PCDH9: variants seen among roughly 807,000 people sequenced by gnomAD.
PCDH9 encodes the protein protocadherin-9.
Under a neutral mutation model 70.6 loss-of-function variants are expected in PCDH9, and 24 were observed. That is an observed-to-expected ratio of 0.34 (90% CI 0.25 to 0.48). PCDH9 has a LOEUF of 0.48. Ranked by LOEUF, PCDH9 falls within the 20% of genes least tolerant of loss-of-function variation. PCDH9 has a pLI of 0.99. For synonymous variants in PCDH9, 562 were observed against 558.5 expected, an observed-to-expected ratio of 1.01 and a Z score of -0.09; for missense variants, 1,281 against 1,503.6, an observed-to-expected ratio of 0.85 and a Z score of 2.45.
At chr13:67,111,534 C>T (rs747919941) in intron 2 of PCDH9, among the ~76,000 whole-genome samples, 19 of 152,128 alleles carry the variant, frequency 1.2e-4, no homozygotes, top group Non-Finnish European at 2.6e-4. Context: ...AAGTTCCTAA[C>T]GCTACTACCA....
chr13:67,074,917 A>G lies in PCDH9; in HGVS notation c.3036+150488T>C, dbSNP rs116334387. Among the ~76,000 whole-genome samples, 1,147 of 152,180 alleles carry G rather than the reference A, an allele frequency of 7.5e-3. 17 individuals carry two copies. The highest frequency in any genetic ancestry group is 0.026 in the African/African-American group (1,066 of 41,534). On this transcript the variant is annotated intron_variant, in intron 2 of 4. Coordinates refer to ENST00000377865, the MANE Select transcript of PCDH9 (RefSeq NM_203487.3). ...ACACTTGAGAATATAATTGCCTGGT[A>G]CCCTATCAAGCACTCTGTAAACCTG...
intron 4 of PCDH9, among the ~76,000 whole-genome samples, chr13:66,379,167 A>G (rs1040553652): frequency 1.3e-5 from 2 of 152,236 alleles, no homozygotes; most frequent in Admixed American, 6.5e-5. Flanking sequence ...AAACTGCTGC[A>G]TGGGCATAGG....
intron 4 of PCDH9, among the ~76,000 whole-genome samples, chr13:66,359,029 G>T (rs1423566645): frequency 3.3e-5 from 5 of 151,894 alleles, no homozygotes; most frequent in African/African-American, 9.7e-5. Context: ...TTGGCTTATT[G>T]GGCTTCGTTT....
rs71446825 is a variant in PCDH9, at chr13:66,848,646, C to T, written c.3138+54858G>A. Among the ~76,000 whole-genome samples the T allele has an allele frequency of 9.0e-3, 1,367 of 151,866 alleles. 8 individuals are homozygous for T. Among genetic ancestry groups the T allele is most frequent in the Non-Finnish European group, 0.013 (888 of 67,910 alleles). On this transcript the variant is annotated intron_variant, in intron 3 of 4. Coordinates refer to ENST00000377865, the MANE Select transcript of PCDH9 (RefSeq NM_203487.3). ...TAGAATGTATAAGAGGAGCCAAAAT[C>T]GGCCGGGCGCGGTGGCTTACACCTG...
intron 3 of PCDH9, among the ~76,000 whole-genome samples, chr13:66,875,457 T>A (rs2139521578): frequency 6.6e-6 from 1 of 152,296 alleles, no homozygotes; most frequent in East Asian, 1.9e-4. Context: ...ACGTGTGGAT[T>A]CTCACTGAGT....
intron 4 of PCDH9, among the ~76,000 whole-genome samples, chr13:66,348,123 T>C (rs1881343918): frequency 6.6e-6 from 1 of 152,184 alleles, no homozygotes; most frequent in South Asian, 2.1e-4. Flanking sequence ...AAATGATCTT[T>C]TTCCTTTTTC....
At chr13:66,810,300 G>T (rs534048605) in intron 3 of PCDH9, among the ~76,000 whole-genome samples, 3 of 151,922 alleles carry the variant, frequency 2.0e-5, no homozygotes, top group Non-Finnish European at 2.9e-5. Flanking sequence ...GCTTCTACAT[G>T]ATATTTTTAA....
chr13:67,124,724 T>C (rs2086942692), intron 2 of PCDH9, among the ~76,000 whole-genome samples: 1 of 152,192 alleles, frequency 6.6e-6, no homozygotes, highest in Non-Finnish European at 1.5e-5. Flanking sequence ...AAGACAATAA[T>C]TCAGTTCTCA....
intron 4 of PCDH9, among the ~76,000 whole-genome samples, chr13:66,350,958 C>A (rs996748359): frequency 6.6e-6 from 1 of 152,146 alleles, no homozygotes; most frequent in African/African-American, 2.4e-5. Flanking sequence ...TACCAAATAT[C>A]ATTGCTAATC....
chr13:66,386,320 T>G (rs1956929117), intron 4 of PCDH9, among the ~76,000 whole-genome samples: 1 of 152,150 alleles, frequency 6.6e-6, no homozygotes, highest in Non-Finnish European at 1.5e-5. Context: ...GTTTTATTGT[T>G]TGAAAGTCAA....
chr13:66,457,973 A>G (rs1958352878), intron 4 of PCDH9, among the ~76,000 whole-genome samples: 1 of 151,946 alleles, frequency 6.6e-6, no homozygotes, highest in African/African-American at 2.4e-5. Context: ...TTGTGTGTAT[A>G]TATATTTATA....
At chr13:66,908,224 T>C (rs2082396540) in intron 2 of PCDH9, among the ~76,000 whole-genome samples, 1 of 152,186 alleles carries the variant, frequency 6.6e-6, no homozygotes, top group South Asian at 2.1e-4. Flanking sequence ...AAATGGCAGT[T>C]CTCAGTTCTT....
At chr13:66,354,856 A>G (rs1956352363) in intron 4 of PCDH9, among the ~76,000 whole-genome samples, 1 of 152,134 alleles carries the variant, frequency 6.6e-6, no homozygotes, top group African/African-American at 2.4e-5. Flanking sequence ...GACAAGGCAG[A>G]CATTATTATC....
chr13:66,874,162 C>T (rs1392731506), intron 3 of PCDH9, among the ~76,000 whole-genome samples: 1 of 151,778 alleles, frequency 6.6e-6, no homozygotes, highest in South Asian at 2.1e-4. Flanking sequence ...TAATATACAT[C>T]CTGAGCATTT....
At chr13:66,449,851 GA>G (rs1958170846) in intron 4 of PCDH9, among the ~76,000 whole-genome samples, 1 of 151,992 alleles carries the variant, frequency 6.6e-6, no homozygotes, top group Non-Finnish European at 1.5e-5. Flanking sequence ...TCTAGAGTTA[GA>G]AAAAGTTTTT....
chr13:66,362,333 T>C (rs1263848046), intron 4 of PCDH9, among the ~76,000 whole-genome samples: 1 of 152,178 alleles, frequency 6.6e-6, no homozygotes. Flanking sequence ...TAGTAGTCTC[T>C]GTGAGCACTC....
chr13:66,392,919 TAAA>T (rs1279117224), intron 4 of PCDH9, among the ~76,000 whole-genome samples: 1 of 151,838 alleles, frequency 6.6e-6, no homozygotes, highest in Non-Finnish European at 1.5e-5. Context: ...GGTAACACTT[TAAA>T]AACCCACTGG....
At chr13:66,349,430 G>C (rs1419578872) in intron 4 of PCDH9, among the ~76,000 whole-genome samples, 2 of 151,922 alleles carry the variant, frequency 1.3e-5, no homozygotes, top group Admixed American at 1.3e-4. Flanking sequence ...TAGAAGACAA[G>C]AGAGGTTTTC....
chr13:66,577,483 C>G (rs961276422), intron 4 of PCDH9, among the ~76,000 whole-genome samples: 13 of 151,810 alleles, frequency 8.6e-5, no homozygotes, highest in Admixed American at 2.0e-4. Context: ...ATTTGGAGCA[C>G]AAAATACTCA....
Sources: gnomAD v4.1 joint callset for allele counts (sites outside exome capture counted in the v4.1 genomes callset) on GRCh38, gnomAD v4.1.1 for gene constraint, MANE v1.5 for transcripts, NCBI Gene and HGNC (gene_info 2026-07-23, HGNC 2026-07-21) for gene names.